Variants in TYW1B observed in about 807,000 individuals in gnomAD.
TYW1B encodes S-adenosyl-L-methionine-dependent tRNA 4-demethylwyosine synthase TYW1B.
TYW1B carries 73 observed loss-of-function variants against 86.9 expected under a neutral mutation model. The observed-to-expected ratio is 0.84, with a 90% CI of 0.70 to 1.02. The LOEUF (loss-of-function observed/expected upper bound fraction) is 1.02, where lower values mean the gene tolerates loss of function less well. Among genes scored for constraint, TYW1B ranks in the 50% least tolerant of loss-of-function variants. TYW1B has a pLI of 0.00. For missense variants in TYW1B, 637 were observed against 827.4 expected, an observed-to-expected ratio of 0.77 and a Z score of 2.82; for synonymous variants, 248 against 292.8, an observed-to-expected ratio of 0.85 and a Z score of 1.56.
At position 72,574,751 on chromosome 7, in the gene TYW1B, C is replaced by T; in HGVS notation, c.*747G>A. ...ACCTCACGAACAAAAAGAAATGATC[C>T]TCTTCAGTCCAAAGTGTGTTTGTGA... On this transcript the variant is annotated 3_prime_UTR_variant, in exon 14 of 14. Transcript: ENST00000620995. 1 of 985,368 alleles carries T rather than the reference C, an allele frequency of 1.0e-6. No individual in the cohort carries two copies. Among genetic ancestry groups the T allele is most frequent in the Non-Finnish European group, 1.2e-6 (1 of 829,936 alleles). The allele number at this position is 985,368 out of a possible 1,614,324, so 61.0% of individuals were successfully genotyped here.
chr7:72,715,814 T>A (rs1554455798), intron 9 of TYW1B, among the ~76,000 whole-genome samples: 1 of 152,180 alleles, frequency 6.6e-6, no homozygotes, highest in Non-Finnish European at 1.5e-5. Context: ...ATTTCTAGGT[T>A]CCTTTTGAAG....
At chr7:72,724,208 A>C (rs1786957161) in intron 9 of TYW1B, among the ~76,000 whole-genome samples, 1 of 152,198 alleles carries the variant, frequency 6.6e-6, no homozygotes, top group South Asian at 2.1e-4. Flanking sequence ...ACAGTGGCTC[A>C]TGCCTGTAAT....
chr7:72,815,579 A>G, intron 2 of TYW1B, 98 bp from the exon 3 acceptor site: 1 of 1,157,012 alleles, frequency 8.6e-7, no homozygotes. Flanking sequence ...TTCCTCATGA[A>G]AAATGTTTTC....
intron 13 of TYW1B, among the ~76,000 whole-genome samples, chr7:72,585,423 G>A (rs147837755): frequency 0.012 from 1,852 of 152,226 alleles, 36 homozygotes; most frequent in African/African-American, 0.041. Context: ...ATTCCTCCAC[G>A]TAACACTATA....
At chr7:72,753,021 T>C (rs535878436) in intron 7 of TYW1B, among the ~76,000 whole-genome samples, 15 of 152,124 alleles carry the variant, frequency 9.9e-5, no homozygotes, top group South Asian at 2.1e-4. Flanking sequence ...AACTCCTACT[T>C]TGAAAATTGG....
intron 13 of TYW1B, among the ~76,000 whole-genome samples, chr7:72,607,434 G>A (rs2129568207): frequency 1.4e-5 from 2 of 146,648 alleles, no homozygotes; most frequent in African/African-American, 2.5e-5. Context: ...AGAAGAAAGA[G>A]GAGGAAGAAG....
At chr7:72,719,351 C>T (rs1475126444) in intron 9 of TYW1B, among the ~76,000 whole-genome samples, 1 of 151,752 alleles carries the variant, frequency 6.6e-6, no homozygotes, top group African/African-American at 2.4e-5. Flanking sequence ...AAGTTTTGGG[C>T]CGGGCGTGGT....
At chr7:72,634,342 CT>C (rs782580354) in intron 11 of TYW1B, among the ~76,000 whole-genome samples, 354 of 132,634 alleles carry the variant, frequency 2.7e-3, no homozygotes, top group African/African-American at 7.6e-3. Context: ...CCACTCCTAG[CT>C]TTTTTTTTTT....
intron 13 of TYW1B, among the ~76,000 whole-genome samples, chr7:72,598,869 AAGAC>A (rs1306681660): frequency 2.0e-5 from 3 of 152,148 alleles, no homozygotes; most frequent in Non-Finnish European, 2.9e-5. Flanking sequence ...CAGGTGGAGG[AAGAC>A]AGACAGACAG....
chr7:72,619,647 C>CAA (rs34309451), intron 12 of TYW1B, among the ~76,000 whole-genome samples: 1,604 of 68,592 alleles, frequency 0.023, 25 homozygotes, highest in Middle Eastern at 0.053. Context: ...GACTCCGTCT[C>CAA]AAAAAAAAAA....
intron 11 of TYW1B, among the ~76,000 whole-genome samples, chr7:72,665,985 GA>G (rs1391832595): frequency 1.3e-5 from 2 of 152,134 alleles, no homozygotes; most frequent in African/African-American, 4.8e-5. Flanking sequence ...TCACTATGAA[GA>G]AATAGAGCAA....
At chr7:72,622,438 A>G (rs1350649998) in intron 12 of TYW1B, among the ~76,000 whole-genome samples, 3 of 152,218 alleles carry the variant, frequency 2.0e-5, no homozygotes, top group Non-Finnish European at 4.4e-5. Flanking sequence ...TTAAAGAGAT[A>G]TTCTTATGCT....
intron 2 of TYW1B, among the ~76,000 whole-genome samples, chr7:72,822,374 T>A (rs1306494829): frequency 5.3e-5 from 8 of 149,916 alleles, no homozygotes; most frequent in Non-Finnish European, 1.0e-4. Context: ...TCAAAATGCA[T>A]ACAAATCGTC....
chr7:72,673,111 T>C (rs1322592580), intron 11 of TYW1B, among the ~76,000 whole-genome samples: 1 of 152,160 alleles, frequency 6.6e-6, no homozygotes, highest in Non-Finnish European at 1.5e-5. Flanking sequence ...GAGGCTGCAG[T>C]GAGCCGAGAT....
chr7:72,658,840 C>T (rs1193217941), intron 11 of TYW1B, among the ~76,000 whole-genome samples: 9 of 152,096 alleles, frequency 5.9e-5, no homozygotes, highest in East Asian at 1.9e-4. Flanking sequence ...CCTGTCTCGG[C>T]CTCCCAAGCA....
chr7:72,636,071 A>G (rs1812659497), intron 11 of TYW1B, among the ~76,000 whole-genome samples: 1 of 152,244 alleles, frequency 6.6e-6, no homozygotes, highest in Non-Finnish European at 1.5e-5. Flanking sequence ...TGAATCTGCC[A>G]AAATAATTAC....
chr7:72,717,258 G>A (rs1200934765), intron 9 of TYW1B, among the ~76,000 whole-genome samples: 7 of 150,612 alleles, frequency 4.6e-5, no homozygotes, highest in Non-Finnish European at 8.8e-5. Flanking sequence ...CTGAGACTGC[G>A]CCACTGCCCT....
At chr7:72,824,806 T>C (rs1343905615) in intron 2 of TYW1B, among the ~76,000 whole-genome samples, 1 of 151,868 alleles carries the variant, frequency 6.6e-6, no homozygotes, top group Non-Finnish European at 1.5e-5. Flanking sequence ...AGCATCTAGA[T>C]ATAATTAGAG....
chr7:72,654,282 T>A (rs568341913), intron 11 of TYW1B, among the ~76,000 whole-genome samples: 1 of 152,146 alleles, frequency 6.6e-6, no homozygotes, highest in Admixed American at 6.6e-5. Context: ...CCTTAATATA[T>A]ACAAATTCTA....
Sources: allele counts gnomAD v4.1 joint callset (sites outside exome capture counted in the v4.1 genomes callset), GRCh38; gene constraint gnomAD v4.1.1; transcripts MANE v1.5; gene names NCBI Gene and HGNC (gene_info 2026-07-23, HGNC 2026-07-21).